The following GASK1A variants were observed in gnomAD, a reference collection of about 807,000 sequenced individuals.
GASK1A encodes golgi associated kinase 1A.
A neutral mutation model predicts 41.2 loss-of-function variants in GASK1A; 40 were observed. The observed-to-expected ratio is 0.97, with a 90% CI of 0.75 to 1.27. The LOEUF is 1.27. Among genes scored for constraint, GASK1A ranks in the 50% most tolerant of loss-of-function variants. The pLI is 0.00. For synonymous variants in GASK1A, 316 were observed against 307.1 expected, an observed-to-expected ratio of 1.03 and a Z score of -0.30; for missense variants, 678 against 745.1, an observed-to-expected ratio of 0.91 and a Z score of 1.05.
At chr3:43,011,466 T>G (rs776856868) in intron 1 of GASK1A, among the ~76,000 whole-genome samples, 1 of 152,018 alleles carries the variant, frequency 6.6e-6, no homozygotes, top group Non-Finnish European at 1.5e-5. Flanking sequence ...AAGAACCCAC[T>G]GTGTGGGCTG....
At chr3:43,047,025 C>A (rs537619026) in intron 2 of GASK1A, among the ~76,000 whole-genome samples, 17 of 152,326 alleles carry the variant, frequency 1.1e-4, no homozygotes, top group Non-Finnish European at 2.1e-4. Context: ...AGGGGTGGAA[C>A]CCTCATGGAG....
chr3:42,996,481 G>C (rs907558978), intron 1 of GASK1A, among the ~76,000 whole-genome samples: 1 of 152,160 alleles, frequency 6.6e-6, no homozygotes, highest in Non-Finnish European at 1.5e-5. Context: ...CTTGGCTCAG[G>C]AAATACCTAC....
intron 1 of GASK1A, among the ~76,000 whole-genome samples, chr3:43,029,255 A>G (rs1372999216): frequency 6.6e-5 from 10 of 151,918 alleles, no homozygotes. Context: ...CTCACTGTTC[A>G]GGCCAAGGGG....
rs74781909 is a variant in GASK1A at position 43,019,648 on chromosome 3, G to A, written c.4-12619G>A. On this transcript the variant is annotated intron_variant, in intron 1 of 4. Transcript: ENST00000430121. ...TTTAACTCAGAGCCTAAGTAGTGATGAATCAGGCAGGGTGGCTGTTTAGAA... is the reference window on the plus strand; with the variant it reads ...TTTAACTCAGAGCCTAAGTAGTGATAAATCAGGCAGGGTGGCTGTTTAGAA... Among the ~76,000 whole-genome samples the A allele has an allele frequency of 4.4e-3, 666 of 152,228 alleles. 1 individual carries two copies. Among genetic ancestry groups the A allele is most frequent in the Middle Eastern group, 0.01 (3 of 294 alleles).
At chr3:43,014,185 G>A (rs2089478497) in intron 1 of GASK1A, among the ~76,000 whole-genome samples, 1 of 152,042 alleles carries the variant, frequency 6.6e-6, no homozygotes, top group African/African-American at 2.4e-5. Context: ...CACAGGAAGG[G>A]GCTGTGTGAA....
At chr3:43,014,854 T>C (rs1244303283) in intron 1 of GASK1A, among the ~76,000 whole-genome samples, 1 of 151,024 alleles carries the variant, frequency 6.6e-6, no homozygotes, top group African/African-American at 2.4e-5. Context: ...AGGAAGGGGC[T>C]GTGTGAAGCC....
intron 2 of GASK1A, among the ~76,000 whole-genome samples, chr3:43,034,338 G>C (rs1046497303): frequency 6.6e-6 from 1 of 152,136 alleles, no homozygotes; most frequent in African/African-American, 2.4e-5. Context: ...GGGGTAGTGT[G>C]GGAATCCCAG....
At chr3:43,019,945 C>A (rs1224173091) in intron 1 of GASK1A, among the ~76,000 whole-genome samples, 1 of 152,186 alleles carries the variant, frequency 6.6e-6, no homozygotes, top group African/African-American at 2.4e-5. Context: ...TCCCATTGCC[C>A]ATGGCAGTTT....
chr3:43,042,559 G>A (rs928308850), intron 2 of GASK1A, among the ~76,000 whole-genome samples: 3 of 152,202 alleles, frequency 2.0e-5, no homozygotes, highest in African/African-American at 7.2e-5. Flanking sequence ...TTGGGTATCT[G>A]TGGGAGAAGT....
chr3:42,996,381 G>A (rs999421706), intron 1 of GASK1A, among the ~76,000 whole-genome samples: 1 of 152,142 alleles, frequency 6.6e-6, no homozygotes, highest in African/African-American at 2.4e-5. Flanking sequence ...ATGATGGACA[G>A]GTCACATTCT....
At chr3:42,988,480 G>T (rs1486461807) in intron 1 of GASK1A, among the ~76,000 whole-genome samples, 1 of 152,132 alleles carries the variant, frequency 6.6e-6, no homozygotes, top group Non-Finnish European at 1.5e-5. Context: ...ACAGCAGAGG[G>T]GATAAGATTA....
rs1031127664 is a variant in GASK1A at position 42,979,468 on chromosome 3, C to A, written c.-175C>A. On this transcript the variant is annotated 5_prime_UTR_variant, in exon 1 of 5. Transcript: ENST00000430121. ...GATCTCCCGAGAGTTGGCGCAGGGC[C>A]ACTTGGCTGCAGAGAACGTGTGCAC... 18 of 570,546 alleles carry A rather than the reference C, an allele frequency of 3.2e-5. No homozygotes were observed. Among genetic ancestry groups the A allele is most frequent in the Non-Finnish European group, 4.4e-5 (17 of 384,252 alleles). The allele number at this position is 570,546 out of a possible 1,614,324, so 35.3% of individuals were successfully genotyped here. A position where few individuals can be genotyped will look rare whatever the true frequency, so the allele number is the denominator to read the frequency against.
At chr3:43,002,803 T>A (rs1280916908) in intron 1 of GASK1A, among the ~76,000 whole-genome samples, 1 of 152,220 alleles carries the variant, frequency 6.6e-6, no homozygotes, top group Non-Finnish European at 1.5e-5. Flanking sequence ...ACTTTGAAAT[T>A]TCCTATGTGG....
At chr3:43,028,557 T>C (rs1009570420) in intron 1 of GASK1A, among the ~76,000 whole-genome samples, 2 of 152,178 alleles carry the variant, frequency 1.3e-5, no homozygotes, top group Non-Finnish European at 2.9e-5. Flanking sequence ...GAAGTGTATG[T>C]GTGTGTGGGT....
At chr3:43,047,463 G>A (rs2125691246) in intron 2 of GASK1A, among the ~76,000 whole-genome samples, 1 of 152,312 alleles carries the variant, frequency 6.6e-6, no homozygotes, top group South Asian at 2.1e-4. Flanking sequence ...TCCTCACAGA[G>A]CCCTGATTTG....
chr3:43,052,550 C>T (rs1268027359), intron 2 of GASK1A, among the ~76,000 whole-genome samples: 1 of 152,146 alleles, frequency 6.6e-6, no homozygotes, highest in East Asian at 1.9e-4. Context: ...TGAGTTTTCC[C>T]CGGCTTGCCC....
chr3:43,051,396 ATC>A (rs959875245), intron 2 of GASK1A, among the ~76,000 whole-genome samples: 1 of 152,200 alleles, frequency 6.6e-6, no homozygotes, highest in African/African-American at 2.4e-5. Context: ...GTGTTGAGGC[ATC>A]TCCAACACGT....
At chr3:43,035,167 C>T (rs2089598514) in intron 2 of GASK1A, among the ~76,000 whole-genome samples, 1 of 152,192 alleles carries the variant, frequency 6.6e-6, no homozygotes, top group Non-Finnish European at 1.5e-5. Context: ...CTCAGCTCTA[C>T]TTTTCTCACC....
Position 42,984,296 on chromosome 3 carries a change from A to ATCTCTCTC in GASK1A, c.3+4661_3+4668dup, listed in dbSNP as rs10628402. Among the ~76,000 whole-genome samples the ATCTCTCTC allele has an allele frequency of 2.0e-5, 3 of 149,628 alleles. No homozygotes were observed. Among genetic ancestry groups the ATCTCTCTC allele is most frequent in the East Asian group, 2.0e-4 (1 of 5,060 alleles). Reference sequence around the variant, plus strand: ...CTTCTTTATGTGGATTTCACTTCCTATCTCTCTCTCTCTCTCTTTCTCTCT... The same window carrying ATCTCTCTC: ...CTTCTTTATGTGGATTTCACTTCCTATCTCTCTCTCTCTCTCTCTCTCTCTTTCTCTCT... On this transcript the variant is annotated intron_variant, in intron 1 of 4. Coordinates refer to ENST00000430121, the MANE Select transcript of GASK1A (RefSeq NM_001129908.3). The surrounding 1 kb of genome is among the most constrained non-coding windows in gnomAD (Gnocchi z 4.2).
Sources: gnomAD v4.1 joint callset for allele counts (sites outside exome capture counted in the v4.1 genomes callset) on GRCh38, gnomAD v4.1.1 for gene constraint, Gnocchi (gnomAD v3.1) non-coding constraint, MANE v1.5 for transcripts, NCBI Gene and HGNC (gene_info 2026-07-23, HGNC 2026-07-21) for gene names.